Variants in C12orf50 observed in about 807,000 individuals in gnomAD.
The protein encoded by C12orf50 is uncharacterized protein C12orf50.
In C12orf50, 35 loss-of-function variants were observed where a neutral mutation model predicts 61.6. The observed-to-expected ratio is 0.57, with a 90% CI of 0.43 to 0.75. The LOEUF is 0.75. C12orf50 is among the 30% of genes least tolerant of loss of function. C12orf50 has a pLI of 0.00. For missense variants in C12orf50, 475 were observed against 488.5 expected, an observed-to-expected ratio of 0.97 and a Z score of 0.26; for synonymous variants, 178 against 161.5, an observed-to-expected ratio of 1.10 and a Z score of -0.77.
chr12:88,007,150 A>G (rs2031916265), intron 3 of C12orf50, among the ~76,000 whole-genome samples: 1 of 152,194 alleles, frequency 6.6e-6, no homozygotes, highest in Admixed American at 6.5e-5. Context: ...ATTATTTACA[A>G]GTTTGCCAAA....
At chr12:88,006,973 T>A (rs2031911329) in intron 3 of C12orf50, among the ~76,000 whole-genome samples, 1 of 152,252 alleles carries the variant, frequency 6.6e-6, no homozygotes, top group South Asian at 2.1e-4. Flanking sequence ...TTTCATTTGC[T>A]GTATGCCCTT....
intron 3 of C12orf50, among the ~76,000 whole-genome samples, chr12:88,024,162 A>T (rs557351104): frequency 1.3e-4 from 20 of 152,298 alleles, no homozygotes; most frequent in African/African-American, 4.3e-4. Flanking sequence ...AAAAGGGAAC[A>T]CTTATATACT....
At chr12:87,983,251 G>C in intron 11 of C12orf50, 56 bp from the exon 12 acceptor site, 1 of 1,216,336 alleles carries the variant, frequency 8.2e-7, no homozygotes, top group Non-Finnish European at 1.2e-6. Context: ...CATATTCCAA[G>C]GGTGTTTCAA....
chr12:88,006,867 C>T (rs1395743165), intron 3 of C12orf50, among the ~76,000 whole-genome samples: 4 of 152,148 alleles, frequency 2.6e-5, no homozygotes, highest in Admixed American at 2.0e-4. Flanking sequence ...TTCTGTCACA[C>T]TAAACAGAGA....
intron 11 of C12orf50, chr12:87,984,771 A>G (rs2030716762): frequency 6.6e-6 from 1 of 152,178 alleles, no homozygotes; most frequent in Non-Finnish European, 1.5e-5. Context: ...TGCAAAAGCA[A>G]TATAGAGTAT....
intron 3 of C12orf50, among the ~76,000 whole-genome samples, chr12:88,022,980 T>A (rs1430785243): frequency 6.6e-6 from 1 of 152,178 alleles, no homozygotes; most frequent in Non-Finnish European, 1.5e-5. Context: ...ACCAATAACA[T>A]TCTTCACAGA....
intron 3 of C12orf50, among the ~76,000 whole-genome samples, chr12:88,007,971 T>C (rs2031949736): frequency 6.6e-6 from 1 of 152,064 alleles, no homozygotes; most frequent in Non-Finnish European, 1.5e-5. Context: ...ATTTTTGTTA[T>C]ATTAATTTTA....
At chr12:87,991,659 C>T (rs1233278493) in intron 7 of C12orf50, among the ~76,000 whole-genome samples, 2 of 152,088 alleles carry the variant, frequency 1.3e-5, no homozygotes, top group African/African-American at 2.4e-5. Context: ...CATTATGAGT[C>T]ATCAAGGAAA....
At chr12:88,005,912 GTTTTTTTTTTTTTT>G (rs371924944) in intron 3 of C12orf50, among the ~76,000 whole-genome samples, 1 of 91,032 alleles carries the variant, frequency 1.1e-5, no homozygotes, top group Admixed American at 1.2e-4. Context: ...TGTTTTTTTG[GTTTTTTTTTTTTTT>G]TTTTTTTTGA....
At chr12:87,993,567 G>C (rs1565743890) in intron 7 of C12orf50, among the ~76,000 whole-genome samples, 1 of 151,876 alleles carries the variant, frequency 6.6e-6, no homozygotes, top group Non-Finnish European at 1.5e-5. Context: ...AATTACCTTA[G>C]CACCAAAAAA....
Position 88,027,025 on chromosome 12 carries a change from C to A in C12orf50, c.-63G>T, listed in dbSNP as rs777240793. 6.2e-7 allele frequency: 1 copy of A among 1,613,870 alleles called. No individual in the cohort carries two copies. The highest frequency in any genetic ancestry group is 8.5e-7 in the Non-Finnish European group (1 of 1,179,934). On this transcript the variant is annotated 5_prime_UTR_variant, in exon 2 of 13. Transcript: ENST00000298699. ...TCTCTCCATAATGAGCACACAGTGT[C>A]ACTGCCAAGGGCCTCTTCACAGTGT...
intron 3 of C12orf50, among the ~76,000 whole-genome samples, chr12:88,019,495 T>G (rs375821640): frequency 1.3e-5 from 2 of 152,054 alleles, no homozygotes; most frequent in African/African-American, 4.8e-5. Flanking sequence ...CAGACTAATA[T>G]AGTGTGGTAG....
intron 9 of C12orf50, 60 bp from the exon 10 acceptor site, chr12:87,986,476 G>A: frequency 1.6e-6 from 2 of 1,221,020 alleles, no homozygotes; most frequent in South Asian, 1.3e-5. Flanking sequence ...TGAAATTACT[G>A]TAGGTGATAA....
intron 10 of C12orf50, 101 bp from the exon 11 acceptor site, chr12:87,986,154 A>G: frequency 7.3e-7 from 1 of 1,361,576 alleles, no homozygotes; most frequent in Non-Finnish European, 1.0e-6. Flanking sequence ...AATGGAAGCC[A>G]ATAGAAGCCA....
chr12:87,986,306 C>T lies in C12orf50; in HGVS notation c.922+6G>A, dbSNP rs2030817178. On this transcript the variant is annotated splice_donor_region_variant and intron_variant, in intron 10 of 12. Coordinates refer to ENST00000298699, the MANE Select transcript of C12orf50 (RefSeq NM_152589.3). ...TTTAGAAATATCAAATATATAGACA[C>T]CTTACCTCTCTGCATTCCAGAGTTA... 3.2e-6 allele frequency: 5 copies of T among 1,561,320 alleles called. No individual in the cohort carries two copies. The highest frequency in any genetic ancestry group is 3.5e-6 in the Non-Finnish European group (4 of 1,144,102).
At chr12:88,005,472 A>C (rs2031822104) in intron 3 of C12orf50, among the ~76,000 whole-genome samples, 1 of 152,032 alleles carries the variant, frequency 6.6e-6, no homozygotes, top group Admixed American at 6.6e-5. Flanking sequence ...GCTTCCATTC[A>C]TTGCTGGTGT....
rs549272805 is a variant in C12orf50 at position 87,997,891 on chromosome 12, T to G, written c.289+144A>C. ...TGTAGCAAATTAGAACATAATGAAT[T>G]AAATTAGTTTAATACAATTATAGTT... On this transcript the variant is annotated intron_variant, in intron 4 of 12. Transcript: ENST00000298699. 9.5e-4 allele frequency: 609 copies of G among 642,762 alleles called. 6 individuals carry two copies. In the South Asian group the frequency reaches 0.017, roughly 18 times the overall value. The allele number at this position is 642,762 out of a possible 1,614,324, so 39.8% of individuals were successfully genotyped here. A position where few individuals can be genotyped will look rare whatever the true frequency, so the allele number is the denominator to read the frequency against.
intron 3 of C12orf50, among the ~76,000 whole-genome samples, chr12:88,004,143 T>TA (rs1273331179): frequency 6.6e-6 from 1 of 152,206 alleles, no homozygotes; most frequent in Non-Finnish European, 1.5e-5. Flanking sequence ...TGATAGTCTC[T>TA]ATTGTTGAGA....
upstream of C12orf50, among the ~76,000 whole-genome samples, chr12:88,029,780 A>G (rs887639968): frequency 2.2e-4 from 33 of 152,234 alleles, no homozygotes; most frequent in African/African-American, 7.7e-4. Context: ...TTAAATATGT[A>G]CTCTCTACTA....
Sources: allele counts gnomAD v4.1 joint callset (sites outside exome capture counted in the v4.1 genomes callset), GRCh38; gene constraint gnomAD v4.1.1; transcripts MANE v1.5; gene names NCBI Gene and HGNC (gene_info 2026-07-23, HGNC 2026-07-21).